Variants in TTC23 observed in about 807,000 individuals in gnomAD.
TTC23 encodes the protein tetratricopeptide repeat domain 23, also known as tetratricopeptide repeat protein 23.
A neutral mutation model predicts 55.1 loss-of-function variants in TTC23; 58 were observed. The observed-to-expected ratio is 1.05, with a 90% CI of 0.85 to 1.31. TTC23 has a LOEUF of 1.31. Among genes scored for constraint, TTC23 ranks in the 50% most tolerant of loss-of-function variants. TTC23 has a pLI of 0.00. For missense variants in TTC23, 516 were observed against 534.4 expected, an observed-to-expected ratio of 0.97 and a Z score of 0.34; for synonymous variants, 203 against 199.9, an observed-to-expected ratio of 1.02 and a Z score of -0.13.
chr15:99,200,189 T>C, intron 8 of TTC23, 93 bp from the exon 9 acceptor site: 1 of 1,172,496 alleles, frequency 8.5e-7, no homozygotes, highest in South Asian at 2.0e-5. Context: ...GACTCTTTGA[T>C]CCCTGGTGTT....
intron 2 of TTC23, among the ~76,000 whole-genome samples, chr15:99,244,789 A>G (rs1174368982): frequency 2.6e-5 from 4 of 152,140 alleles, no homozygotes; most frequent in African/African-American, 9.7e-5. Flanking sequence ...CTTATTATGG[A>G]TGAATTAAGA....
chr15:99,221,949 A>G lies in TTC23; in HGVS notation c.181-85T>C, dbSNP rs2077972637. 4.0e-6 allele frequency: 6 copies of G among 1,482,588 alleles called. No homozygotes were observed. In the African/African-American group the frequency reaches 5.6e-5, roughly 14 times the overall value. 91.8% of individuals were successfully genotyped at this position (1,482,588 alleles called of 1,614,324 possible). A position where few individuals can be genotyped will look rare whatever the true frequency, so the allele number is the denominator to read the frequency against. ...ATCAATGCGCTTTTATATCCCTTTG[A>G]TAAATACTGAGTGACTACTATGTGC... On this transcript the variant is annotated intron_variant, in intron 5 of 13. Transcript: ENST00000394132.
intron 10 of TTC23, among the ~76,000 whole-genome samples, chr15:99,171,559 CTTTTTTT>C (rs35676358): frequency 2.2e-3 from 203 of 92,298 alleles, no homozygotes; most frequent in African/African-American, 8.5e-3. Flanking sequence ...GTCTCTCCGT[CTTTTTTT>C]TTTTTTTTTT....
At chr15:99,248,825 G>A (rs1364583125) in intron 1 of TTC23, among the ~76,000 whole-genome samples, 2 of 152,044 alleles carry the variant, frequency 1.3e-5, no homozygotes, top group Non-Finnish European at 2.9e-5. Flanking sequence ...TGTCATTTTT[G>A]AAATATGATT....
At chr15:99,228,470 C>A (rs2078649798) in intron 5 of TTC23, 63 bp downstream of exon 5, 1 of 1,396,156 alleles carries the variant, frequency 7.2e-7, no homozygotes, top group South Asian at 1.6e-5. Context: ...CATTCTACTT[C>A]TCTTGATTAT....
chr15:99,192,139 G>A (rs570209998), intron 9 of TTC23, among the ~76,000 whole-genome samples: 4 of 152,286 alleles, frequency 2.6e-5, no homozygotes, highest in Admixed American at 6.5e-5. Flanking sequence ...GCTATTAAAG[G>A]CATTCAGTTT....
In TTC23 at chr15:99,156,402, G is replaced by C. The variant is rs1388287512; in HGVS notation, c.994-105C>G. 5.9e-6 allele frequency: 8 copies of C among 1,350,926 alleles called. No individual in the cohort carries two copies. The Admixed American group carries it at 9.8e-5, about 17-fold the overall frequency. The allele number at this position is 1,350,926 out of a possible 1,614,324, so 83.7% of individuals were successfully genotyped here. On this transcript the variant is annotated intron_variant, in intron 11 of 13. Coordinates refer to ENST00000394132, the MANE Select transcript of TTC23 (RefSeq NM_001288615.3). ...CATGGGTGTGGTAGTCTCACGAGCT[G>C]AGCCTGTTCTCCTCTTGTATTAGTC...
chr15:99,183,816 A>G (rs979428206), intron 9 of TTC23, among the ~76,000 whole-genome samples: 1 of 152,170 alleles, frequency 6.6e-6, no homozygotes, highest in Non-Finnish European at 1.5e-5. Flanking sequence ...CACTAAGACA[A>G]TGGGGCAAAT....
intron 3 of TTC23, among the ~76,000 whole-genome samples, chr15:99,240,276 C>T (rs1384268814): frequency 1.3e-5 from 2 of 152,144 alleles, no homozygotes; most frequent in African/African-American, 4.8e-5. Flanking sequence ...TTTAACTTTT[C>T]TTTTTTGGCT....
At chr15:99,222,945 C>T (rs935495713) in intron 5 of TTC23, among the ~76,000 whole-genome samples, 2 of 152,132 alleles carry the variant, frequency 1.3e-5, no homozygotes, top group South Asian at 2.1e-4. Context: ...TGCAGTGAGC[C>T]GATATCGTGC....
At chr15:99,248,054 G>C (rs1178270077) in intron 1 of TTC23, 1 of 152,162 alleles carries the variant, frequency 6.6e-6, no homozygotes, top group African/African-American at 2.4e-5. Context: ...CCCCAAGACA[G>C]TGTGGCAGCG....
chr15:99,137,998 A>C lies in TTC23; in HGVS notation c.*12T>G. 1.2e-6 allele frequency: 2 copies of C among 1,614,006 alleles called. No individual in the cohort carries two copies. Among genetic ancestry groups the C allele is most frequent in the Non-Finnish European group, 1.7e-6 (2 of 1,179,958 alleles). On this transcript the variant is annotated 3_prime_UTR_variant, in exon 14 of 14. Coordinates refer to ENST00000394132, the MANE Select transcript of TTC23 (RefSeq NM_001288615.3). The stretch of plus-strand genomic sequence containing the variant: ...GCCCAGGAATGTCCTAGGCTTTTTC[A>C]GGGTGGGGGCCTCAGTCTGCTGTTG...
chr15:99,143,535 C>T (rs1218346623), intron 12 of TTC23, among the ~76,000 whole-genome samples: 1 of 152,240 alleles, frequency 6.6e-6, no homozygotes, highest in Non-Finnish European at 1.5e-5. Context: ...AGATATGCTG[C>T]TCCTTGTAAT....
chr15:99,190,747 C>T (rs2075180400), intron 9 of TTC23, among the ~76,000 whole-genome samples: 1 of 152,018 alleles, frequency 6.6e-6, no homozygotes, highest in Admixed American at 6.6e-5. Flanking sequence ...TATTTGAATT[C>T]CTTTGCTGAT....
chr15:99,194,090 T>C (rs561722826), intron 9 of TTC23, among the ~76,000 whole-genome samples: 1 of 152,240 alleles, frequency 6.6e-6, no homozygotes, highest in East Asian at 1.9e-4. Context: ...ACGTTGAGGA[T>C]AGATCTGGAT....
chr15:99,209,828 G>A (rs970737657), intron 8 of TTC23, among the ~76,000 whole-genome samples: 4 of 152,110 alleles, frequency 2.6e-5, no homozygotes, highest in Admixed American at 6.6e-5. Flanking sequence ...TCTGCCTCCC[G>A]GTCTCAAGCA....
chr15:99,218,881 T>G lies in TTC23; in HGVS notation c.455+17A>C. On this transcript the variant is annotated intron_variant, in intron 7 of 13. Transcript: ENST00000394132. ...GAATAGTATTTCTATTTGTAAAAGT[T>G]AGAGGCAAAAGGATACTTTTGAAGG... The G allele has an allele frequency of 6.2e-7, 1 of 1,607,038 alleles. No homozygotes were observed. Among genetic ancestry groups the G allele is most frequent in the Non-Finnish European group, 8.5e-7 (1 of 1,176,512 alleles).
chr15:99,149,724 C>A (rs1489232530), intron 12 of TTC23, among the ~76,000 whole-genome samples: 1 of 152,264 alleles, frequency 6.6e-6, no homozygotes, highest in Non-Finnish European at 1.5e-5. Flanking sequence ...GGCCCCTTCT[C>A]TGTTTAACAG....
At chr15:99,239,798 T>C (rs1233606466) in intron 3 of TTC23, among the ~76,000 whole-genome samples, 2 of 152,234 alleles carry the variant, frequency 1.3e-5, no homozygotes, top group East Asian at 3.8e-4. Flanking sequence ...CCCATGTGAT[T>C]TGGGCAATAC....
Sources: allele counts gnomAD v4.1 joint callset (sites outside exome capture counted in the v4.1 genomes callset), GRCh38; gene constraint gnomAD v4.1.1; transcripts MANE v1.5; gene names NCBI Gene and HGNC (gene_info 2026-07-23, HGNC 2026-07-21).